TRPM6: variants seen among roughly 807,000 people sequenced by gnomAD.
TRPM6 encodes transient receptor potential cation channel subfamily M member 6.
A neutral mutation model predicts 247.6 loss-of-function variants in TRPM6; 111 were observed. The observed-to-expected ratio is 0.45, with a 90% CI of 0.38 to 0.52. The LOEUF is 0.52. TRPM6 is among the 20% of genes least tolerant of loss of function. The pLI, the probability that TRPM6 is intolerant of heterozygous loss-of-function variation, is 0.00. For synonymous variants in TRPM6, 892 were observed against 853.8 expected (o/e 1.04, Z -0.78); for missense variants, 2,126 against 2,421.5 (o/e 0.88, Z 2.56).
intron 14 of TRPM6, among the ~76,000 whole-genome samples, chr9:74,805,696 G>C (rs1461394595): frequency 6.6e-6 from 1 of 152,174 alleles, no homozygotes; most frequent in Non-Finnish European, 1.5e-5. Context: ...ATGCCCAGGA[G>C]CCCCAGGCAG....
Position 74,800,273 on chromosome 9 carries a change from C to T in TRPM6, c.2219G>A (p.Arg740Lys). The T allele has an allele frequency of 6.2e-7, 1 of 1,614,072 alleles. No homozygotes were observed. Among genetic ancestry groups the T allele is most frequent in the Admixed American group, 1.7e-5 (1 of 60,012 alleles). The change falls in exon 17 of 39, where the codon AGG becomes AAG. Residue 740 changes from arginine (R) to lysine (K), a missense_variant. By Grantham distance (26) the Arg-to-Lys change is conservative. Coordinates refer to ENST00000360774, the MANE Select transcript of TRPM6 (RefSeq NM_017662.5). ...ATTTACCTTTAACCAAGAGTTTTTC[C>T]TCATTTTCAGCCTCCCCATCCACAT... is the stretch of plus-strand genomic sequence containing the variant. ...TDMWMGRLKM[R>K]KNSWLKIIIS...
At chr9:74,755,047 T>C (rs1174698822) in intron 28 of TRPM6, among the ~76,000 whole-genome samples, 1 of 152,152 alleles carries the variant, frequency 6.6e-6, no homozygotes, top group East Asian at 1.9e-4. Flanking sequence ...CAATCCCCTA[T>C]CCATAAATCA....
In TRPM6 at chr9:74,811,863, C is replaced by A. The variant is rs148287928; in HGVS notation, c.1443+436G>T. On this transcript the variant is annotated intron_variant, in intron 12 of 38. Coordinates refer to ENST00000360774, the MANE Select transcript of TRPM6 (RefSeq NM_017662.5). ...AACAGTATAGATTTTGAAAAAGGAA[C>A]GTTTTATTAGAAGGAAAGAATGCTG... Among the ~76,000 whole-genome samples the A allele has an allele frequency of 4.6e-5, 7 of 152,132 alleles. No homozygotes were observed. In the East Asian group the frequency reaches 1.4e-3, roughly 29 times the overall value.
chr9:74,737,888 A>T (rs1048781561), intron 36 of TRPM6, among the ~76,000 whole-genome samples: 4 of 152,318 alleles, frequency 2.6e-5, no homozygotes, highest in African/African-American at 9.6e-5. Flanking sequence ...AGGTATTGAT[A>T]GCCAGGAGAT....
At chr9:74,866,485 G>GT (rs1454224311) in intron 1 of TRPM6, among the ~76,000 whole-genome samples, 4 of 151,390 alleles carry the variant, frequency 2.6e-5, no homozygotes, top group Non-Finnish European at 4.4e-5. Context: ...TTTGTTTTTT[G>GT]TTTTTTTGTT....
chr9:74,748,916 C>A (rs1013252196), intron 30 of TRPM6, among the ~76,000 whole-genome samples: 5 of 152,154 alleles, frequency 3.3e-5, no homozygotes, highest in African/African-American at 1.2e-4. Context: ...CACTCTGACA[C>A]CCAGAGCAAG....
chr9:74,816,557 AC>A (rs1020889168), intron 11 of TRPM6, 111 bp downstream of exon 11: 2 of 829,378 alleles, frequency 2.4e-6, no homozygotes, highest in African/African-American at 3.4e-5. Flanking sequence ...CAGAGATGCT[AC>A]CCCACACTTC....
At chr9:74,770,054 G>A (rs542254023) in intron 25 of TRPM6, among the ~76,000 whole-genome samples, 2 of 152,246 alleles carry the variant, frequency 1.3e-5, no homozygotes, top group South Asian at 4.1e-4. Context: ...ATCAATTTTT[G>A]TGGACTCAAT....
intron 1 of TRPM6, among the ~76,000 whole-genome samples, chr9:74,864,182 G>T (rs1053324084): frequency 1.3e-5 from 2 of 151,902 alleles, no homozygotes; most frequent in African/African-American, 4.8e-5. Flanking sequence ...TATTTATCTT[G>T]GAATTCACAA....
intron 17 of TRPM6, among the ~76,000 whole-genome samples, chr9:74,799,103 T>A (rs1828208319): frequency 6.6e-6 from 1 of 152,216 alleles, no homozygotes; most frequent in South Asian, 2.1e-4. Context: ...GGAGAACTTC[T>A]GAAAACAATT....
intron 1 of TRPM6, among the ~76,000 whole-genome samples, chr9:74,860,376 G>A (rs1830658773): frequency 6.6e-6 from 1 of 151,548 alleles, no homozygotes; most frequent in Admixed American, 6.6e-5. Context: ...ACGGAGTCTT[G>A]CTCTGTTGCC....
In TRPM6 at chr9:74,858,550, G is replaced by GA. The variant is rs1026232014; in HGVS notation, c.113+118dup. ...TTATAAAGTGAAAGAAATAAACATT[G>GA]AAAATTCTAACTTTATAGATATGAT... On this transcript the variant is annotated intron_variant, in intron 2 of 38. Transcript: ENST00000360774. The GA allele has an allele frequency of 7.9e-6, 5 of 629,698 alleles. No individual in the cohort carries two copies. In the African/African-American group the frequency reaches 9.3e-5, roughly 12 times the overall value. The allele number at this position is 629,698 out of a possible 1,614,324, so 39.0% of individuals were successfully genotyped here. A position where few individuals can be genotyped will look rare whatever the true frequency, so the allele number is the denominator to read the frequency against.
intron 28 of TRPM6, among the ~76,000 whole-genome samples, chr9:74,752,663 C>T (rs534664924): frequency 4.6e-5 from 7 of 152,310 alleles, no homozygotes; most frequent in South Asian, 4.1e-4. Context: ...TATAGGACAA[C>T]ACCTTTAGCA....
intron 1 of TRPM6, among the ~76,000 whole-genome samples, chr9:74,878,612 C>T (rs1368750811): frequency 1.3e-5 from 2 of 152,120 alleles, no homozygotes; most frequent in Non-Finnish European, 2.9e-5. Context: ...GCCACATAAA[C>T]GTCTTCAGAA....
At chr9:74,736,795 C>CA (rs1825710992) in intron 36 of TRPM6, among the ~76,000 whole-genome samples, 2 of 152,152 alleles carry the variant, frequency 1.3e-5, no homozygotes, top group African/African-American at 4.8e-5. Context: ...CTTTTTCCCT[C>CA]AAGACTGTCA....
At chr9:74,804,332 T>A (rs952188141) in intron 14 of TRPM6, 46 of 427,636 alleles carry the variant, frequency 1.1e-4, no homozygotes, top group Middle Eastern at 1.4e-3. Flanking sequence ...AGGTATTATA[T>A]AATATCTCCA....
At chr9:74,813,806 C>T (rs564349938) in intron 11 of TRPM6, among the ~76,000 whole-genome samples, 78 of 152,246 alleles carry the variant, frequency 5.1e-4, no homozygotes, top group African/African-American at 1.8e-3. Flanking sequence ...AAGAAGATAT[C>T]GTATTCTGGG....
intron 11 of TRPM6, among the ~76,000 whole-genome samples, chr9:74,813,254 G>C (rs182561507): frequency 6.6e-6 from 1 of 152,320 alleles, no homozygotes; most frequent in Non-Finnish European, 1.5e-5. Context: ...AGGAGGACAA[G>C]AGTGGAGACA....
intron 1 of TRPM6, among the ~76,000 whole-genome samples, chr9:74,882,325 T>A (rs1397381647): frequency 6.6e-6 from 1 of 152,144 alleles, no homozygotes; most frequent in Non-Finnish European, 1.5e-5. Context: ...AGACAATCTG[T>A]TGAGTTGGAG....
Sources: gnomAD v4.1 joint callset for allele counts (sites outside exome capture counted in the v4.1 genomes callset) on GRCh38, gnomAD v4.1.1 for gene constraint, MANE v1.5 for transcripts, NCBI Gene and HGNC (gene_info 2026-07-23, HGNC 2026-07-21) for gene names.